CNTNAP4: variants seen among roughly 807,000 people sequenced by gnomAD.
The protein encoded by CNTNAP4 is contactin associated protein family member 4.
In CNTNAP4, 98 loss-of-function variants were observed where a neutral mutation model predicts 148.4. The observed-to-expected ratio is 0.66, with a 90% CI of 0.56 to 0.78. The LOEUF is 0.78. Among genes scored for constraint, CNTNAP4 ranks in the 30% least tolerant of loss-of-function variants. The probability of loss-of-function intolerance (pLI) is 0.00; values close to 1 mark genes in which losing one functional copy is unlikely to be tolerated. For synonymous variants in CNTNAP4, 730 were observed against 565.1 expected (o/e 1.29, Z -4.14); for missense variants, 1,935 against 1,565.6 (o/e 1.24, Z -3.98).
At chr16:76,323,719 CA>C (rs1962673714) in intron 2 of CNTNAP4, among the ~76,000 whole-genome samples, 1 of 152,126 alleles carries the variant, frequency 6.6e-6, no homozygotes, top group African/African-American at 2.4e-5. Flanking sequence ...ATCTCCCTGC[CA>C]GCGTCTTGGT....
intron 3 of CNTNAP4, among the ~76,000 whole-genome samples, chr16:76,391,517 G>A (rs2016992194): frequency 6.6e-6 from 1 of 152,100 alleles, no homozygotes; most frequent in Non-Finnish European, 1.5e-5. Context: ...GATCTGGCTG[G>A]CATTTTATGC....
At chr16:76,548,105 ACAG>A (rs1334437155) in intron 21 of CNTNAP4, among the ~76,000 whole-genome samples, 1 of 152,188 alleles carries the variant, frequency 6.6e-6, no homozygotes, top group Non-Finnish European at 1.5e-5. Flanking sequence ...ATAACTCAGT[ACAG>A]TAGGTTTGGT....
At chr16:76,285,251 G>A (rs1958834098) in intron 1 of CNTNAP4, among the ~76,000 whole-genome samples, 1 of 151,906 alleles carries the variant, frequency 6.6e-6, no homozygotes, top group Admixed American at 6.6e-5. Context: ...ATAACAGCAG[G>A]TAAAAATGAG....
chr16:76,538,528 A>T (rs2084317860), intron 19 of CNTNAP4, among the ~76,000 whole-genome samples, 188 bp downstream of exon 19: 1 of 152,062 alleles, frequency 6.6e-6, no homozygotes, highest in South Asian at 2.1e-4. Flanking sequence ...AATGATTAAG[A>T]TGCCCTTATC....
At chr16:76,301,058 A>G (rs1488167701) in intron 1 of CNTNAP4, among the ~76,000 whole-genome samples, 1 of 152,104 alleles carries the variant, frequency 6.6e-6, no homozygotes, top group Admixed American at 6.6e-5. Flanking sequence ...TGGAAATTAT[A>G]ACTTACAGAC....
rs574678852 is a variant in CNTNAP4, at chr16:76,438,310, G to T, written c.539-9702G>T. Among the ~76,000 whole-genome samples, 412 of 152,208 alleles carry T rather than the reference G, an allele frequency of 2.7e-3. 1 individual carries two copies. Among genetic ancestry groups the T allele is most frequent in the Non-Finnish European group, 3.6e-3 (245 of 68,006 alleles). ...GCCCTAGAGAAAGCACGAGAAAGAG[G>T]TTTAAAAGTCTAAAGATTTCAGTAT... On this transcript the variant is annotated intron_variant, in intron 4 of 23. Coordinates refer to ENST00000611870, the MANE Select transcript of CNTNAP4 (RefSeq NM_033401.5).
chr16:76,544,393 C>T (rs532928387), intron 21 of CNTNAP4, among the ~76,000 whole-genome samples: 6 of 151,884 alleles, frequency 4.0e-5, no homozygotes, highest in Admixed American at 6.6e-5. Flanking sequence ...AATTGCTGAC[C>T]CTGTTAAAAA....
At chr16:76,473,226 A>T (rs945654409) in intron 10 of CNTNAP4, among the ~76,000 whole-genome samples, 173 of 152,274 alleles carry the variant, frequency 1.1e-3, no homozygotes, top group African/African-American at 3.9e-3. Context: ...GCCCATTATT[A>T]ATTTTTGGTT....
intron 3 of CNTNAP4, among the ~76,000 whole-genome samples, chr16:76,424,635 C>T (rs1244419513): frequency 1.3e-5 from 2 of 151,880 alleles, no homozygotes; most frequent in Admixed American, 6.6e-5. Flanking sequence ...GTCTGGGGCC[C>T]GTAATCCCAG....
rs150850793 is a variant in CNTNAP4 at position 76,355,382 on chromosome 16, G to C, written c.261G>C (p.Glu87Asp). The change falls in exon 3 of 24, where the codon GAG becomes GAC. Residue 87 changes from glutamate (E) to aspartate (D), a missense_variant. Coordinates refer to ENST00000611870, the MANE Select transcript of CNTNAP4 (RefSeq NM_033401.5). The stretch of plus-strand genomic sequence containing the variant: ...AGTGGTTGCAGATTGACCTTGGAGA[G>C]AGAATGGAGGTCACCGCTGTGGCCA... ...KYQWLQIDLG[E>D]RMEVTAVATQ... 1.2e-5 allele frequency: 20 copies of C among 1,607,962 alleles called. No individual in the cohort carries two copies. The African/African-American group carries it at 2.3e-4, about 18-fold the overall frequency.
At chr16:76,528,557 G>C (rs532690147) in intron 17 of CNTNAP4, among the ~76,000 whole-genome samples, 1 of 152,238 alleles carries the variant, frequency 6.6e-6, no homozygotes, top group African/African-American at 2.4e-5. Flanking sequence ...GAGCCACCAC[G>C]CCTCACCTGC....
At chr16:76,523,283 A>T (rs2083568841) in intron 17 of CNTNAP4, among the ~76,000 whole-genome samples, 1 of 129,306 alleles carries the variant, frequency 7.7e-6, no homozygotes, top group African/African-American at 2.9e-5. Context: ...GGCCAATAGC[A>T]AAAAGAAAAG....
intron 2 of CNTNAP4, among the ~76,000 whole-genome samples, chr16:76,353,498 C>G (rs2012132996): frequency 6.6e-6 from 1 of 152,176 alleles, no homozygotes. Context: ...TGTCCATACT[C>G]CAACCACTTC....
chr16:76,339,561 G>T (rs1964298284), intron 2 of CNTNAP4, among the ~76,000 whole-genome samples: 1 of 152,120 alleles, frequency 6.6e-6, no homozygotes. Context: ...TCTTAGAAAA[G>T]AAATGACACA....
At chr16:76,296,855 C>CTT (rs1959359744) in intron 1 of CNTNAP4, among the ~76,000 whole-genome samples, 1 of 152,140 alleles carries the variant, frequency 6.6e-6, no homozygotes, top group African/African-American at 2.4e-5. Context: ...CTCCAGAGAG[C>CTT]TTTAATTCTC....
chr16:76,427,259 G>A (rs570665611), intron 3 of CNTNAP4, among the ~76,000 whole-genome samples, 193 bp from the exon 4 acceptor site: 27 of 152,202 alleles, frequency 1.8e-4, no homozygotes, highest in Middle Eastern at 6.8e-3. Flanking sequence ...TAAGAAAAAA[G>A]AAAAGTTGAA....
chr16:76,339,284 C>A (rs1042258582), intron 2 of CNTNAP4, among the ~76,000 whole-genome samples: 4 of 152,060 alleles, frequency 2.6e-5, no homozygotes, highest in Non-Finnish European at 5.9e-5. Context: ...GCATAGTCAG[C>A]CCCTCCCCAT....
At chr16:76,527,027 T>C (rs1001735088) in intron 17 of CNTNAP4, among the ~76,000 whole-genome samples, 1 of 152,150 alleles carries the variant, frequency 6.6e-6, no homozygotes, top group Non-Finnish European at 1.5e-5. Context: ...TTCATCTTAA[T>C]TTATAGCAGT....
rs1419751671 is a variant in CNTNAP4, at chr16:76,470,492, T to TATATATAA, written c.1655+2974_1655+2975insTAAATATA. Among the ~76,000 whole-genome samples, 2 of 121,190 alleles carry TATATATAA rather than the reference T, an allele frequency of 1.7e-5. 1 individual carries two copies. The highest frequency in any genetic ancestry group is 6.6e-5 in the African/African-American group (2 of 30,144). The allele number at this position is 121,190 out of a possible 152,430, so 79.5% of individuals were successfully genotyped here. A position where few individuals can be genotyped will look rare whatever the true frequency, so the allele number is the denominator to read the frequency against. On this transcript the variant is annotated intron_variant, in intron 10 of 23. Coordinates refer to ENST00000611870, the MANE Select transcript of CNTNAP4 (RefSeq NM_033401.5). ...CACGTCTCTACTAATAATATATATA[T>TATATATAA]ATATAAAATTAGTCGGGCATGGTGG... is the stretch of plus-strand genomic sequence containing the variant.
Sources: gnomAD v4.1 joint callset for allele counts (sites outside exome capture counted in the v4.1 genomes callset) on GRCh38, gnomAD v4.1.1 for gene constraint, MANE v1.5 for transcripts, NCBI Gene and HGNC (gene_info 2026-07-23, HGNC 2026-07-21) for gene names.